Variants in JAM3 observed in about 807,000 individuals in gnomAD.
JAM3 encodes the protein junctional adhesion molecule C.
Under a neutral mutation model 39.4 loss-of-function variants are expected in JAM3, and 31 were observed. That is an observed-to-expected ratio of 0.79 (90% CI 0.59 to 1.06). The LOEUF (loss-of-function observed/expected upper bound fraction) is 1.06, where lower values mean the gene tolerates loss of function less well. Among genes scored for constraint, JAM3 ranks in the 50% least tolerant of loss-of-function variants. JAM3 has a pLI of 0.00. For missense variants in JAM3, 455 were observed against 391.4 expected (o/e 1.16, Z -1.37); for synonymous variants, 182 against 148.7 (o/e 1.22, Z -1.63).
intron 1 of JAM3, among the ~76,000 whole-genome samples, chr11:134,077,531 T>C (rs550429836): frequency 9.9e-5 from 15 of 150,802 alleles, no homozygotes; most frequent in South Asian, 6.3e-4. Flanking sequence ...GCCTAGCTAA[T>C]TTTTGTATTT....
At chr11:134,138,963 T>G (rs181144861) in intron 1 of JAM3, among the ~76,000 whole-genome samples, 1 of 152,332 alleles carries the variant, frequency 6.6e-6, no homozygotes, top group Non-Finnish European at 1.5e-5. Flanking sequence ...TGTGATTTTC[T>G]TTAGCGGTTA....
intron 1 of JAM3, among the ~76,000 whole-genome samples, chr11:134,085,608 T>A (rs1194859239): frequency 2.0e-5 from 3 of 152,206 alleles, no homozygotes; most frequent in Non-Finnish European, 4.4e-5. Context: ...CCACTATGAC[T>A]ACCCCAGTCA....
intron 1 of JAM3, among the ~76,000 whole-genome samples, chr11:134,113,447 G>GT (rs1307907949): frequency 1.3e-5 from 2 of 152,074 alleles, no homozygotes; most frequent in East Asian, 1.9e-4. Context: ...GCGGTGTTTG[G>GT]TTTTTTGTCC....
intron 1 of JAM3, among the ~76,000 whole-genome samples, chr11:134,111,312 T>A (rs1187151334): frequency 1.3e-5 from 2 of 151,862 alleles, no homozygotes; most frequent in Non-Finnish European, 2.9e-5. Context: ...CTGCTAATTT[T>A]TTTTGTTTTT....
At chr11:134,147,537 A>G (rs1234520122) in intron 6 of JAM3, among the ~76,000 whole-genome samples, 1 of 146,006 alleles carries the variant, frequency 6.8e-6, no homozygotes, top group Non-Finnish European at 1.5e-5. Flanking sequence ...CCCAGGCTGG[A>G]GTGCAGTGGC....
chr11:134,121,164 C>T (rs1325701574), intron 1 of JAM3, among the ~76,000 whole-genome samples: 2 of 152,218 alleles, frequency 1.3e-5, no homozygotes, highest in African/African-American at 2.4e-5. Context: ...TGCTCCAGGG[C>T]GTGAGGAGGT....
chr11:134,078,928 G>GT (rs1941618864), intron 1 of JAM3, among the ~76,000 whole-genome samples: 1 of 152,054 alleles, frequency 6.6e-6, no homozygotes, highest in Admixed American at 6.6e-5. Flanking sequence ...AATCCCAGCT[G>GT]CTTGGGAGGC....
intron 1 of JAM3, among the ~76,000 whole-genome samples, chr11:134,113,478 T>G (rs1013515893): frequency 6.6e-6 from 1 of 152,176 alleles, no homozygotes; most frequent in Non-Finnish European, 1.5e-5. Context: ...TTGCTGAGAA[T>G]GATGGTTTCC....
At chr11:134,148,200 G>T (rs1480395882) in intron 6 of JAM3, 4 of 290,080 alleles carry the variant, frequency 1.4e-5, no homozygotes, top group Non-Finnish European at 2.6e-5. Flanking sequence ...TGGGATCCTG[G>T]CTCCTAATCT....
At chr11:134,134,200 A>G (rs1292177653) in intron 1 of JAM3, among the ~76,000 whole-genome samples, 2 of 152,140 alleles carry the variant, frequency 1.3e-5, no homozygotes, top group Non-Finnish European at 1.5e-5. Context: ...AGAGAGAAAG[A>G]TGACCTAAAA....
At chr11:134,131,817 G>A (rs938116423) in intron 1 of JAM3, among the ~76,000 whole-genome samples, 4 of 152,034 alleles carry the variant, frequency 2.6e-5, no homozygotes, top group Admixed American at 6.6e-5. Flanking sequence ...TTTACTAGAG[G>A]GTTTCAACAG....
At chr11:134,117,106 A>C (rs1401288097) in intron 1 of JAM3, among the ~76,000 whole-genome samples, 2 of 152,068 alleles carry the variant, frequency 1.3e-5, no homozygotes, top group East Asian at 1.9e-4. Flanking sequence ...TCATGCCTGT[A>C]ATCCCAGCAC....
In JAM3 at chr11:134,114,155, G is replaced by C. The variant is rs1202385966; in HGVS notation, c.77-25696G>C. On this transcript the variant is annotated intron_variant, in intron 1 of 8. Coordinates refer to ENST00000299106, the MANE Select transcript of JAM3 (RefSeq NM_032801.5). The stretch of plus-strand genomic sequence containing the variant: ...CCATTCTGTAGGTTGCCTGTTCACT[G>C]TGATGGTAGTTTCTTTTGCTGTGCA... 1.5e-4 allele frequency among the ~76,000 whole-genome samples: 23 copies of C among 152,274 alleles called. No homozygotes were observed. In the South Asian group the frequency reaches 2.5e-3, roughly 16 times the overall value.
chr11:134,137,885 C>T lies in JAM3; in HGVS notation c.77-1966C>T, dbSNP rs545541152. 4.6e-4 allele frequency among the ~76,000 whole-genome samples: 45 copies of T among 97,772 alleles called. 1 individual carries two copies. The highest frequency in any genetic ancestry group is 1.8e-3 in the African/African-American group (42 of 22,946). 64.1% of individuals were successfully genotyped at this position (97,772 alleles called of 152,430 possible). ...TCCCTTAGAGCCAGTGGTGGCGTCT[C>T]GTCAAAGTCGTGGTGCTCATACTGA... On this transcript the variant is annotated intron_variant, in intron 1 of 8. Transcript: ENST00000299106.
chr11:134,089,450 A>G lies in JAM3; in HGVS notation c.76+20291A>G, dbSNP rs184605491. Among the ~76,000 whole-genome samples the G allele has an allele frequency of 5.9e-5, 9 of 152,132 alleles. No homozygotes were observed. The East Asian group carries it at 1.7e-3, about 30-fold the overall frequency. ...AACATTAGATATATCTCCAAATGCT[A>G]TCCCCCCATCCCTGTACCCCACAAC... On this transcript the variant is annotated intron_variant, in intron 1 of 8. Coordinates refer to ENST00000299106, the MANE Select transcript of JAM3 (RefSeq NM_032801.5).
intron 1 of JAM3, among the ~76,000 whole-genome samples, chr11:134,128,196 C>A (rs1339896372): frequency 6.6e-6 from 1 of 152,134 alleles, no homozygotes; most frequent in Non-Finnish European, 1.5e-5. Flanking sequence ...CCAGTCGTCT[C>A]CTTAATGTAG....
intron 1 of JAM3, among the ~76,000 whole-genome samples, chr11:134,139,405 C>T (rs1161621794): frequency 1.3e-5 from 2 of 152,142 alleles, no homozygotes; most frequent in African/African-American, 4.8e-5. Flanking sequence ...TGATGCCGTC[C>T]CGAAGGGAAG....
Position 134,139,840 on chromosome 11 carries a change from T to G in JAM3, c.77-11T>G, listed in dbSNP as rs1197546832. 6.2e-7 allele frequency: 1 copy of G among 1,611,442 alleles called. No homozygotes were observed. The highest frequency in any genetic ancestry group is 1.1e-5 in the South Asian group (1 of 91,022). On this transcript the variant is annotated splice_polypyrimidine_tract_variant and intron_variant, in intron 1 of 8. Transcript: ENST00000299106. ...ACATTGTCTCTGATTTTACTTTTCTTTCTCCTTCAGGCTGCCTGATAGGGG... is the reference window on the plus strand; with the variant it reads ...ACATTGTCTCTGATTTTACTTTTCTGTCTCCTTCAGGCTGCCTGATAGGGG...
At chr11:134,145,462 T>C (rs149206247) in intron 5 of JAM3, 5 of 322,140 alleles carry the variant, frequency 1.6e-5, no homozygotes, top group African/African-American at 1.1e-4. Flanking sequence ...GTGGTGGTGG[T>C]GGGAGGTGGG....
Sources: allele counts gnomAD v4.1 joint callset (sites outside exome capture counted in the v4.1 genomes callset), GRCh38; gene constraint gnomAD v4.1.1; transcripts MANE v1.5; gene names NCBI Gene and HGNC (gene_info 2026-07-23, HGNC 2026-07-21).